Variants in MSRA observed in about 807,000 individuals in gnomAD.
The protein encoded by MSRA is mitochondrial peptide methionine sulfoxide reductase.
In MSRA, 54 loss-of-function variants were observed where a neutral mutation model predicts 31.3. The ratio of observed to expected loss-of-function variants is 1.73; its 90% CI spans 1.39 to 2.17. MSRA has a LOEUF of 2.17. MSRA is among the 30% of genes most tolerant of loss of function. MSRA has a pLI of 0.00. For missense variants in MSRA, 507 were observed against 300.9 expected (o/e 1.69, Z -5.07); for synonymous variants, 169 against 116.5 (o/e 1.45, Z -2.90).
intron 1 of MSRA, among the ~76,000 whole-genome samples, chr8:10,121,547 A>G (rs1386104191): frequency 2.0e-5 from 3 of 152,230 alleles, no homozygotes; most frequent in Non-Finnish European, 4.4e-5. Context: ...GGCAAGAATG[A>G]TTTAAAAGTG....
intron 1 of MSRA, among the ~76,000 whole-genome samples, chr8:10,091,983 A>G (rs576648129): frequency 3.3e-4 from 50 of 152,144 alleles, no homozygotes; most frequent in South Asian, 8.3e-4. Flanking sequence ...ATTCCTTTCA[A>G]TGGTGTAGAT....
intron 2 of MSRA, among the ~76,000 whole-genome samples, chr8:10,236,477 G>GA (rs1811952824): frequency 6.6e-6 from 1 of 152,068 alleles, no homozygotes; most frequent in South Asian, 2.1e-4. Context: ...AAGTATAGTA[G>GA]AAAAAACAGT....
intron 5 of MSRA, among the ~76,000 whole-genome samples, chr8:10,412,508 C>T (rs939719916): frequency 6.6e-5 from 10 of 152,126 alleles, no homozygotes; most frequent in African/African-American, 9.7e-5. Context: ...AGATGCTCAA[C>T]GGGAGCATAC....
intron 5 of MSRA, among the ~76,000 whole-genome samples, chr8:10,420,682 C>G (rs1808759162): frequency 6.6e-6 from 1 of 151,998 alleles, no homozygotes; most frequent in South Asian, 2.1e-4. Context: ...AGCCCCCACC[C>G]CATGTACAAG....
chr8:10,385,879 G>A (rs1806360390), intron 5 of MSRA, among the ~76,000 whole-genome samples: 1 of 152,204 alleles, frequency 6.6e-6, no homozygotes, highest in East Asian at 1.9e-4. Context: ...CCCAGGAAGA[G>A]GAAACTGCCT....
intron 3 of MSRA, among the ~76,000 whole-genome samples, chr8:10,262,544 C>T (rs1002597074): frequency 6.6e-6 from 1 of 152,096 alleles, no homozygotes; most frequent in Non-Finnish European, 1.5e-5. Context: ...CTATTCAGAT[C>T]TTTTGCCCAT....
At chr8:10,111,121 C>T (rs940939445) in intron 1 of MSRA, among the ~76,000 whole-genome samples, 2 of 152,174 alleles carry the variant, frequency 1.3e-5, no homozygotes, top group African/African-American at 4.8e-5. Flanking sequence ...AAAAGGGTTT[C>T]CGTGTTATCC....
At chr8:10,359,853 C>T (rs1298849423) in intron 5 of MSRA, among the ~76,000 whole-genome samples, 8 of 152,306 alleles carry the variant, frequency 5.3e-5, no homozygotes, top group South Asian at 4.1e-4. Context: ...AGGAGTAGGT[C>T]ATGTGGACTT....
intron 5 of MSRA, among the ~76,000 whole-genome samples, chr8:10,365,202 A>C (rs892606126): frequency 1.3e-5 from 2 of 150,212 alleles, no homozygotes; most frequent in East Asian, 3.9e-4. Flanking sequence ...GCTAATTATC[A>C]TCTTTTTTCC....
At chr8:10,401,407 A>G (rs1807455066) in intron 5 of MSRA, among the ~76,000 whole-genome samples, 1 of 152,164 alleles carries the variant, frequency 6.6e-6, no homozygotes, top group African/African-American at 2.4e-5. Flanking sequence ...AACAAAACAG[A>G]GAATAATAAG....
intron 3 of MSRA, among the ~76,000 whole-genome samples, chr8:10,245,844 C>T (rs139419432): frequency 3.2e-4 from 48 of 152,318 alleles, no homozygotes; most frequent in South Asian, 2.5e-3. Flanking sequence ...CTAGCTAGAC[C>T]AGAGCCAATA....
intron 5 of MSRA, among the ~76,000 whole-genome samples, chr8:10,406,286 C>T (rs945648018): frequency 4.6e-5 from 7 of 152,232 alleles, no homozygotes; most frequent in Non-Finnish European, 2.9e-5. Flanking sequence ...GGGCAAGTTC[C>T]TTAACCTCTC....
rs150312558 is a variant in MSRA, at chr8:10,173,410, A to C, written c.143-34423A>C. Among the ~76,000 whole-genome samples the C allele has an allele frequency of 9.1e-4, 139 of 152,358 alleles. 1 individual carries two copies. In the East Asian group the frequency reaches 0.024, roughly 26 times the overall value. The stretch of plus-strand genomic sequence containing the variant: ...CGAAACGGCTTGGCGTCATGATTTA[A>C]CTTTGTCAAGCCAAAGAGAGGGCTC... On this transcript the variant is annotated intron_variant, in intron 1 of 5. Coordinates refer to ENST00000317173, the MANE Select transcript of MSRA (RefSeq NM_012331.5).
At chr8:10,191,365 C>G (rs989632973) in intron 1 of MSRA, among the ~76,000 whole-genome samples, 5 of 152,126 alleles carry the variant, frequency 3.3e-5, no homozygotes, top group Non-Finnish European at 5.9e-5. Flanking sequence ...TTGGCATTAA[C>G]TTAAATTTAG....
intron 3 of MSRA, among the ~76,000 whole-genome samples, chr8:10,283,160 A>ACTCTCTCTCTCTCTCTCTCT (rs71521648): frequency 9.1e-4 from 128 of 139,926 alleles, no homozygotes; most frequent in South Asian, 1.1e-3. Context: ...ACACACACAC[A>ACTCTCTCTCTCTCTCTCTCT]CTCTCACCCT....
chr8:10,280,413 A>G (rs1799559524), intron 3 of MSRA, among the ~76,000 whole-genome samples: 1 of 152,168 alleles, frequency 6.6e-6, no homozygotes, highest in African/African-American at 2.4e-5. Context: ...TCGTTTTGAT[A>G]GTAGCAGCTC....
chr8:10,343,824 T>C (rs1803595625), intron 5 of MSRA, among the ~76,000 whole-genome samples: 2 of 152,324 alleles, frequency 1.3e-5, no homozygotes, highest in South Asian at 2.1e-4. Flanking sequence ...TAATCTCTTA[T>C]AAATAACTAG....
intron 5 of MSRA, among the ~76,000 whole-genome samples, chr8:10,385,464 C>G (rs926405375): frequency 4.6e-5 from 7 of 152,260 alleles, no homozygotes; most frequent in African/African-American, 1.7e-4. Context: ...GGGTGGAAGC[C>G]TGTGGCACAT....
intron 1 of MSRA, among the ~76,000 whole-genome samples, chr8:10,131,580 A>G (rs571191974): frequency 2.0e-5 from 3 of 152,228 alleles, no homozygotes; most frequent in Non-Finnish European, 2.9e-5. Context: ...CTCGTTAATG[A>G]ATGGTTAGGA....
Sources: gnomAD v4.1 joint callset for allele counts (sites outside exome capture counted in the v4.1 genomes callset) on GRCh38, gnomAD v4.1.1 for gene constraint, MANE v1.5 for transcripts, NCBI Gene and HGNC (gene_info 2026-07-23, HGNC 2026-07-21) for gene names.